Variants in RP1L1 observed in about 807,000 individuals in gnomAD.
RP1L1 encodes retinitis pigmentosa 1-like 1 protein.
RP1L1 carries 27 observed loss-of-function variants against 15.7 expected under a neutral mutation model. The observed-to-expected ratio is 1.72, with a 90% confidence interval of 1.27 to 2.38. The LOEUF is 2.38. Ranked by LOEUF, RP1L1 falls within the 30% of genes most tolerant of loss-of-function variation. RP1L1 has a pLI of 0.00. For synonymous variants in RP1L1, 1,813 were observed against 1,276.7 expected, an observed-to-expected ratio of 1.42 and a Z score of -8.96; for missense variants, 4,798 against 3,075.9, an observed-to-expected ratio of 1.56 and a Z score of -13.24.
chr8:10,634,422 G>A (rs147714289), intron 1 of RP1L1, among the ~76,000 whole-genome samples: 60 of 152,218 alleles, frequency 3.9e-4, no homozygotes, highest in Non-Finnish European at 7.5e-4. Context: ...GGCTCCTCCC[G>A]GCATATGGAC....
intron 1 of RP1L1, among the ~76,000 whole-genome samples, chr8:10,650,475 G>C (rs569851652): frequency 1.5e-4 from 23 of 152,156 alleles, no homozygotes; most frequent in Admixed American, 1.2e-3. Flanking sequence ...GACCAAGGCT[G>C]GTACACTGGC....
At chr8:10,626,371 G>A (rs970857775) in intron 1 of RP1L1, among the ~76,000 whole-genome samples, 4 of 152,162 alleles carry the variant, frequency 2.6e-5, no homozygotes, top group Non-Finnish European at 4.4e-5. Context: ...TATCACACGC[G>A]GATCACCGAA....
rs369885056 is a variant in RP1L1, at chr8:10,617,399, CAAAA to C, written c.610-816_610-813del. Among the ~76,000 whole-genome samples, 289 of 83,004 alleles carry C rather than the reference CAAAA, an allele frequency of 3.5e-3. 3 individuals are homozygous for C. The highest frequency in any genetic ancestry group is 0.013 in the Middle Eastern group (2 of 154). 54.5% of individuals were successfully genotyped at this position (83,004 alleles called of 152,430 possible). A position where few individuals can be genotyped will look rare whatever the true frequency, so the allele number is the denominator to read the frequency against. On this transcript the variant is annotated intron_variant, in intron 2 of 3. Coordinates refer to ENST00000382483, the MANE Select transcript of RP1L1 (RefSeq NM_178857.6). Reference sequence around the variant, plus strand: ...AAAATTATAAGGGTATGCTCATTAACAAAAAAAAAAAAAAAAAAAAAAGAAAAAA... The same window carrying C: ...AAAATTATAAGGGTATGCTCATTAACAAAAAAAAAAAAAAAAAAGAAAAAA...
At chr8:10,651,404 A>G (rs1381730960) in intron 1 of RP1L1, among the ~76,000 whole-genome samples, 1 of 152,208 alleles carries the variant, frequency 6.6e-6, no homozygotes, top group East Asian at 1.9e-4. Context: ...CTAGTACAGC[A>G]AATTGATGCT....
intron 1 of RP1L1, among the ~76,000 whole-genome samples, chr8:10,647,030 C>G (rs1161710682): frequency 6.6e-6 from 1 of 152,204 alleles, no homozygotes; most frequent in Non-Finnish European, 1.5e-5. Flanking sequence ...CAGAGATCCA[C>G]GAGGGGCTAT....
At chr8:10,642,254 C>G (rs1299887617) in intron 1 of RP1L1, among the ~76,000 whole-genome samples, 1 of 152,050 alleles carries the variant, frequency 6.6e-6, no homozygotes, top group Admixed American at 6.5e-5. Context: ...ATCTACTCTT[C>G]TTTTTTTCTT....
At chr8:10,639,799 C>A (rs898080574) in intron 1 of RP1L1, among the ~76,000 whole-genome samples, 1 of 152,088 alleles carries the variant, frequency 6.6e-6, no homozygotes, top group African/African-American at 2.4e-5. Context: ...AATCCCCACA[C>A]GACAAATTTG....
Position 10,613,048 on chromosome 8 carries a change from C to G in RP1L1, c.1050G>C (p.Thr350=), listed in dbSNP as rs371226747. ...SRRMGRASAL[T]AASGEDPVLG... Reference sequence around the variant, plus strand: ...GAACGGGGTCTTCCCCACTGGCTGCCGTGAGGGCGCTGGCCCTGCCCATCC... The same window carrying G: ...GAACGGGGTCTTCCCCACTGGCTGCGGTGAGGGCGCTGGCCCTGCCCATCC... The change falls in exon 4 of 4, where the codon ACG becomes ACC. Residue 350 remains threonine, a synonymous_variant. Coordinates refer to ENST00000382483, the MANE Select transcript of RP1L1 (RefSeq NM_178857.6). 6.2e-7 allele frequency: 1 copy of G among 1,613,568 alleles called. No homozygotes were observed. Among genetic ancestry groups the G allele is most frequent in the Non-Finnish European group, 8.5e-7 (1 of 1,180,028 alleles).
Position 10,607,841 on chromosome 8 carries a change from T to C in RP1L1, c.6257A>G (p.Asp2086Gly), listed in dbSNP as rs1166649553. The change falls in exon 4 of 4, where the codon GAT (aspartate) becomes GGT (glycine). Residue 2086 changes from aspartate to glycine, a missense_variant. Asp to Gly is a moderately conservative substitution (Grantham distance 94, BLOSUM62 -1). Coordinates refer to ENST00000382483, the MANE Select transcript of RP1L1 (RefSeq NM_178857.6). ...GGCCTCCCCTTCTGCCTCCTGGGCA[T>C]CTACATCTTCTGACTCTGGGTGGGC... Reference protein sequence around the residue: ...GEAHPESEDVDAQEAEGEAQP... With the variant: ...GEAHPESEDVGAQEAEGEAQP... 1.9e-6 allele frequency: 3 copies of C among 1,590,844 alleles called. No homozygotes were observed. The highest frequency in any genetic ancestry group is 2.2e-5 in the South Asian group (2 of 90,116).
intron 1 of RP1L1, among the ~76,000 whole-genome samples, chr8:10,643,117 G>C (rs1798430666): frequency 6.6e-6 from 1 of 152,142 alleles, no homozygotes; most frequent in Non-Finnish European, 1.5e-5. Context: ...CAGGAGGATT[G>C]CTTGATCCCA....
intron 2 of RP1L1, among the ~76,000 whole-genome samples, chr8:10,618,265 C>T (rs561506607): frequency 2.0e-4 from 30 of 152,122 alleles, no homozygotes; most frequent in Admixed American, 1.6e-3. Context: ...TTTGGGGGGC[C>T]GAGGTGGGTA....
At chr8:10,629,382 G>T (rs1407138573) in intron 1 of RP1L1, among the ~76,000 whole-genome samples, 2 of 152,190 alleles carry the variant, frequency 1.3e-5, no homozygotes, top group Non-Finnish European at 2.9e-5. Context: ...ATGGAGCAAA[G>T]AACATCAAGA....
At chr8:10,623,363 A>G in intron 1 of RP1L1, 143 bp from the exon 2 acceptor site, 1 of 685,546 alleles carries the variant, frequency 1.5e-6, no homozygotes, top group Non-Finnish European at 2.4e-6. Context: ...ATCTATTTGG[A>G]TGGAACAGAA....
At chr8:10,624,375 TACAC>T (rs1798123859) in intron 1 of RP1L1, among the ~76,000 whole-genome samples, 1 of 152,278 alleles carries the variant, frequency 6.6e-6, no homozygotes, top group African/African-American at 2.4e-5. Flanking sequence ...TGTGTGTACA[TACAC>T]ACACACTCAC....
At chr8:10,653,493 C>T (rs1187786471) in intron 1 of RP1L1, among the ~76,000 whole-genome samples, 3 of 151,256 alleles carry the variant, frequency 2.0e-5, no homozygotes, top group East Asian at 1.9e-4. Context: ...CACACACACA[C>T]GTGCACTCGT....
At chr8:10,641,512 A>T (rs1465888426) in intron 1 of RP1L1, among the ~76,000 whole-genome samples, 1 of 152,266 alleles carries the variant, frequency 6.6e-6, no homozygotes, top group Admixed American at 6.5e-5. Flanking sequence ...TTTTAAAAAG[A>T]TGTGAGGAGA....
intron 3 of RP1L1, 64 bp from the exon 4 acceptor site, chr8:10,613,410 G>A (rs1312650039): frequency 6.3e-7 from 1 of 1,591,420 alleles, no homozygotes; most frequent in Non-Finnish European, 8.5e-7. Context: ...GCAGCATCAG[G>A]ATAAAGGAAT....
rs553699135 is a variant in RP1L1, at chr8:10,607,405, C to A, written c.6693G>T (p.Pro2231=). 1 of 1,589,434 alleles carries A rather than the reference C, an allele frequency of 6.3e-7. No individual in the cohort carries two copies. Among genetic ancestry groups the A allele is most frequent in the African/African-American group, 1.4e-5 (1 of 73,480 alleles). Residue 2231 remains proline, a synonymous_variant, in exon 4 of 4, where the codon CCG becomes CCT. Coordinates refer to ENST00000382483, the MANE Select transcript of RP1L1 (RefSeq NM_178857.6). ...CTGGCTGGGCCTCCCCTTCAGCCTC[C>A]GGGGTCTCTACGCCTTCTGGCTCTG... ...AQPEPEGVET[P]EAEGEAQPES... is the part of the protein sequence containing the mutation.
At chr8:10,635,692 C>A (rs1200476295) in intron 1 of RP1L1, among the ~76,000 whole-genome samples, 3 of 152,176 alleles carry the variant, frequency 2.0e-5, no homozygotes, top group Non-Finnish European at 4.4e-5. Context: ...CTATTGATGG[C>A]CAAGAAAGTA....
Sources: allele counts gnomAD v4.1 joint callset (sites outside exome capture counted in the v4.1 genomes callset), GRCh38; gene constraint gnomAD v4.1.1; transcripts MANE v1.5; gene names NCBI Gene and HGNC (gene_info 2026-07-23, HGNC 2026-07-21).